Variants in JAM3 observed in about 807,000 individuals in gnomAD.
JAM3 encodes junctional adhesion molecule 3, also known as junctional adhesion molecule C.
Under a neutral mutation model 39.4 loss-of-function variants are expected in JAM3, and 31 were observed. The observed-to-expected ratio is 0.79, with a 90% CI of 0.59 to 1.06. The LOEUF is 1.06. Among genes scored for constraint, JAM3 ranks in the 50% least tolerant of loss-of-function variants. The pLI is 0.00. For missense variants in JAM3, 455 were observed against 391.4 expected (o/e 1.16, Z -1.37); for synonymous variants, 182 against 148.7 (o/e 1.22, Z -1.63).
At position 134,107,863 on chromosome 11, in the gene JAM3, AAAAT is replaced by A. The variant is rs59869635; in HGVS notation, c.77-31976_77-31973del. Among the ~76,000 whole-genome samples, 672 of 151,564 alleles carry A rather than the reference AAAAT, an allele frequency of 4.4e-3. 5 individuals carry two copies. Among genetic ancestry groups the A allele is most frequent in the African/African-American group, 0.015 (630 of 41,132 alleles). On this transcript the variant is annotated intron_variant, in intron 1 of 8. Transcript: ENST00000299106. ...AGCAACAGAGAAAGACCTTGTCTCT[AAAAT>A]AAATAAATAAACAGAAAAATAGGAA...
rs1486776006 is a variant in JAM3 at position 134,149,595 on chromosome 11, C to T, written c.*414C>T. On this transcript the variant is annotated 3_prime_UTR_variant, in exon 9 of 9. Transcript: ENST00000299106. The stretch of plus-strand genomic sequence containing the variant: ...GTGAGATGGCGAGGTGGCTGGACAG[C>T]ACCAGCAGCGCATCCCGGCGGGAAC... 6.4e-6 allele frequency: 3 copies of T among 469,634 alleles called. No homozygotes were observed. The highest frequency in any genetic ancestry group is 3.1e-5 in the South Asian group (2 of 64,686). 29.1% of individuals were successfully genotyped at this position (469,634 alleles called of 1,614,324 possible). A position where few individuals can be genotyped will look rare whatever the true frequency, so the allele number is the denominator to read the frequency against.
chr11:134,136,301 C>T (rs569466000), intron 1 of JAM3, among the ~76,000 whole-genome samples: 9 of 152,190 alleles, frequency 5.9e-5, no homozygotes, highest in African/African-American at 1.2e-4. Context: ...CAGCAGCCAC[C>T]GCTGCAAGTG....
At chr11:134,145,733 G>T (rs755035435) in intron 5 of JAM3, among the ~76,000 whole-genome samples, 1 of 152,184 alleles carries the variant, frequency 6.6e-6, no homozygotes, top group African/African-American at 2.4e-5. Context: ...TTCGGATGTT[G>T]CCAGGCTTTG....
At chr11:134,143,847 G>A (rs753177480) in intron 3 of JAM3, among the ~76,000 whole-genome samples, 8 of 152,100 alleles carry the variant, frequency 5.3e-5, no homozygotes, top group Non-Finnish European at 8.8e-5. Flanking sequence ...TGAGAGAGAG[G>A]TTCAACTTCA....
intron 1 of JAM3, among the ~76,000 whole-genome samples, chr11:134,134,056 G>A (rs769201702): frequency 6.6e-6 from 1 of 152,030 alleles, no homozygotes; most frequent in Non-Finnish European, 1.5e-5. Context: ...CAAGCAGAGA[G>A]ATGGAAATTT....
At chr11:134,145,069 TA>T in intron 5 of JAM3, 75 bp downstream of exon 5, 3 of 1,232,494 alleles carry the variant, frequency 2.4e-6, no homozygotes, top group Non-Finnish European at 2.4e-6. Context: ...AAAAGAAGAT[TA>T]GGAGAGATAC....
chr11:134,129,064 C>T (rs1008174460), intron 1 of JAM3, among the ~76,000 whole-genome samples: 1 of 151,678 alleles, frequency 6.6e-6, no homozygotes, highest in Non-Finnish European at 1.5e-5. Context: ...TGCCTTCTTG[C>T]TGTGTCCTCA....
At chr11:134,089,292 A>G (rs1021001185) in intron 1 of JAM3, among the ~76,000 whole-genome samples, 13 of 152,094 alleles carry the variant, frequency 8.5e-5, no homozygotes, top group Non-Finnish European at 5.9e-5. Context: ...ATGTTTCATT[A>G]TCATATCCTA....
intron 1 of JAM3, among the ~76,000 whole-genome samples, chr11:134,086,563 G>C (rs621698): frequency 0.45 from 68,139 of 152,004 alleles, 18,179 homozygotes; most frequent in African/African-American, 0.76. Context: ...CCTGAACTAG[G>C]AAACTTTGAA....
rs1363380090 is a variant in JAM3 at position 134,144,389 on chromosome 11, G to T, written c.405G>T (p.Val135=). ...ATGAGATTGTGATCGAGTTAACTGT[G>T]CAAGGTAGGAGCTCATGCGAAGGTG... The part of the protein sequence containing the change: ...EIDEIVIELT[V]QVKPVTPVCR... Residue 135 remains valine (V), a synonymous_variant, in exon 4 of 9, where the codon GTG becomes GTT. Transcript: ENST00000299106. The T allele has an allele frequency of 6.2e-7, 1 of 1,614,224 alleles. No homozygotes were observed.
intron 6 of JAM3, among the ~76,000 whole-genome samples, chr11:134,147,008 GTC>G (rs1337551971): frequency 6.6e-6 from 1 of 152,150 alleles, no homozygotes; most frequent in Non-Finnish European, 1.5e-5. Context: ...TGCTAGAAAT[GTC>G]TGTGTGTGAG....
intron 1 of JAM3, among the ~76,000 whole-genome samples, chr11:134,125,642 G>T (rs928417415): frequency 2.0e-5 from 3 of 152,186 alleles, no homozygotes; most frequent in African/African-American, 7.2e-5. Context: ...ATCGATGGAT[G>T]CTGGGAAGCT....
rs767721346 is a variant in JAM3 at position 134,069,163 on chromosome 11, A to G, written c.76+4A>G. 6.8e-6 allele frequency: 11 copies of G among 1,612,084 alleles called. No individual in the cohort carries two copies. The highest frequency in any genetic ancestry group is 4.0e-5 in the African/African-American group (3 of 74,614). On this transcript the variant is annotated splice_donor_region_variant and intron_variant, in intron 1 of 8. Coordinates refer to ENST00000299106, the MANE Select transcript of JAM3 (RefSeq NM_032801.5). ...TTCCTGCTGCTGCTTTTCAGGGGTG[A>G]GTTTGCGCGTTTCCGCTGTTGGGAG...
Position 134,149,606 on chromosome 11 carries a change from C to T in JAM3, c.*425C>T, listed in dbSNP as rs1477375111. 5 of 465,862 alleles carry T rather than the reference C, an allele frequency of 1.1e-5. No individual in the cohort carries two copies. The highest frequency in any genetic ancestry group is 2.0e-5 in the African/African-American group (1 of 50,548). 28.9% of individuals were successfully genotyped at this position (465,862 alleles called of 1,614,324 possible). On this transcript the variant is annotated 3_prime_UTR_variant, in exon 9 of 9. Coordinates refer to ENST00000299106, the MANE Select transcript of JAM3 (RefSeq NM_032801.5). ...AGGTGGCTGGACAGCACCAGCAGCGCATCCCGGCGGGAACCCAGAAAAGGC... is the reference window on the plus strand; with the variant it reads ...AGGTGGCTGGACAGCACCAGCAGCGTATCCCGGCGGGAACCCAGAAAAGGC...
intron 6 of JAM3, among the ~76,000 whole-genome samples, chr11:134,147,110 C>G (rs960194847): frequency 1.3e-5 from 2 of 152,162 alleles, no homozygotes; most frequent in African/African-American, 4.8e-5. Context: ...CCCAGACCTA[C>G]TTTAGCCTAT....
At chr11:134,111,555 T>G (rs958728655) in intron 1 of JAM3, among the ~76,000 whole-genome samples, 1 of 152,156 alleles carries the variant, frequency 6.6e-6, no homozygotes, top group Admixed American at 6.5e-5. Context: ...ATTAATTCGA[T>G]GTTAGGGAAG....
intron 1 of JAM3, among the ~76,000 whole-genome samples, chr11:134,089,250 A>G (rs528981286): frequency 6.6e-6 from 1 of 151,904 alleles, no homozygotes; most frequent in African/African-American, 2.4e-5. Flanking sequence ...AGCACTTAGG[A>G]TATTTTGTTT....
rs1555122610 is a variant in JAM3, at chr11:134,151,844, T to TATCATCA, written c.*2667_*2668insTCAATCA. 1.9e-4 allele frequency: 29 copies of TATCATCA among 151,914 alleles called. No homozygotes were observed. Among genetic ancestry groups the TATCATCA allele is most frequent in the Middle Eastern group, 3.5e-3 (1 of 288 alleles). 9.4% of individuals were successfully genotyped at this position (151,914 alleles called of 1,614,324 possible). A position where few individuals can be genotyped will look rare whatever the true frequency, so the allele number is the denominator to read the frequency against. Reference sequence around the variant, plus strand: ...GGTTAGGCATGCACACTAAAAATGCTATCAATCACCCATCCACCAGGGAAG... The same window carrying TATCATCA: ...GGTTAGGCATGCACACTAAAAATGCTATCATCAATCAATCACCCATCCACCAGGGAAG... On this transcript the variant is annotated 3_prime_UTR_variant, in exon 9 of 9. Transcript: ENST00000299106.
chr11:134,120,996 GT>G (rs1942520884), intron 1 of JAM3, among the ~76,000 whole-genome samples: 1 of 152,126 alleles, frequency 6.6e-6, no homozygotes, highest in Admixed American at 6.6e-5. Flanking sequence ...ATAGAGCTGT[GT>G]TTCTGTGCAC....
Sources: gnomAD v4.1 joint callset for allele counts (sites outside exome capture counted in the v4.1 genomes callset) on GRCh38, gnomAD v4.1.1 for gene constraint, MANE v1.5 for transcripts, NCBI Gene and HGNC (gene_info 2026-07-23, HGNC 2026-07-21) for gene names.